CEP128: variants seen among roughly 807,000 people sequenced by gnomAD.
The protein encoded by CEP128 is centrosomal protein 128, also known as centrosomal protein 128kDa.
Under a neutral mutation model 156.7 loss-of-function variants are expected in CEP128, and 132 were observed. The observed-to-expected ratio is 0.84, with a 90% CI of 0.73 to 0.97. The LOEUF is 0.97. CEP128 is among the 50% of genes least tolerant of loss of function. The pLI, the probability that CEP128 is intolerant of heterozygous loss-of-function variation, is 0.00. For missense variants in CEP128, 1,252 were observed against 1,281.9 expected, an observed-to-expected ratio of 0.98 and a Z score of 0.36; for synonymous variants, 469 against 448.9, an observed-to-expected ratio of 1.04 and a Z score of -0.57.
chr14:80,919,313 T>G (rs919658052), intron 2 of CEP128, among the ~76,000 whole-genome samples: 1 of 152,144 alleles, frequency 6.6e-6, no homozygotes, highest in Admixed American at 6.5e-5. Context: ...TAACTGAAAT[T>G]TGGGGATGAT....
intron 9 of CEP128, among the ~76,000 whole-genome samples, chr14:80,848,993 C>T (rs1277111160): frequency 6.6e-6 from 1 of 151,668 alleles, no homozygotes; most frequent in Non-Finnish European, 1.5e-5. Flanking sequence ...TAAAAGACCA[C>T]AAGGAGGTAA....
At chr14:80,921,546 A>G (rs188387667) in intron 2 of CEP128, among the ~76,000 whole-genome samples, 5 of 152,334 alleles carry the variant, frequency 3.3e-5, no homozygotes, top group African/African-American at 1.2e-4. Context: ...AACAACAGAA[A>G]ATGAGCTAAG....
At chr14:80,491,515 GTAAC>G (rs1354036351), downstream of CEP128, among the ~76,000 whole-genome samples, 1 of 152,166 alleles carries the variant, frequency 6.6e-6, no homozygotes, top group Non-Finnish European at 1.5e-5. Context: ...TTCACTTCTG[GTAAC>G]TAACAGCTTG....
intron 21 of CEP128, among the ~76,000 whole-genome samples, chr14:80,547,058 T>A (rs1890016009): frequency 6.6e-6 from 1 of 152,186 alleles, no homozygotes; most frequent in South Asian, 2.1e-4. Flanking sequence ...GTAAGTGGTA[T>A]TACAGCTGTT....
intron 19 of CEP128, among the ~76,000 whole-genome samples, chr14:80,693,300 T>C (rs538810558): frequency 6.6e-6 from 1 of 152,326 alleles, no homozygotes; most frequent in South Asian, 2.1e-4. Context: ...TTTATGGCCA[T>C]AATTTCATGT....
intron 8 of CEP128, among the ~76,000 whole-genome samples, chr14:80,871,495 A>C (rs1187363731): frequency 6.6e-6 from 1 of 152,146 alleles, no homozygotes; most frequent in Non-Finnish European, 1.5e-5. Flanking sequence ...GCTGGATGGA[A>C]TATGATGCCA....
At chr14:80,890,274 G>C (rs942947804) in intron 8 of CEP128, among the ~76,000 whole-genome samples, 1 of 152,142 alleles carries the variant, frequency 6.6e-6, no homozygotes, top group African/African-American at 2.4e-5. Flanking sequence ...CCCCATTACT[G>C]GGTGTATACC....
At chr14:80,773,037 A>C (rs1900599189) in intron 16 of CEP128, among the ~76,000 whole-genome samples, 1 of 152,202 alleles carries the variant, frequency 6.6e-6, no homozygotes. Flanking sequence ...TTATGGGTGG[A>C]TTAAAGGAGA....
chr14:80,798,575 T>C (rs1467661227), intron 13 of CEP128, among the ~76,000 whole-genome samples: 1 of 152,218 alleles, frequency 6.6e-6, no homozygotes, highest in African/African-American at 2.4e-5. Context: ...AGTAACCAGG[T>C]GGTCAAAATA....
intron 19 of CEP128, among the ~76,000 whole-genome samples, chr14:80,662,729 T>C (rs1895452165): frequency 6.6e-6 from 1 of 152,170 alleles, no homozygotes; most frequent in Non-Finnish European, 1.5e-5. Context: ...GGAGGAAAAA[T>C]AACACATTAG....
intron 13 of CEP128, among the ~76,000 whole-genome samples, chr14:80,818,473 G>A (rs745957974): frequency 6.6e-5 from 10 of 152,224 alleles, no homozygotes; most frequent in East Asian, 5.8e-4. Flanking sequence ...CAATTGCTAC[G>A]CAATCATATT....
chr14:80,576,676 T>C (rs1165998716), intron 20 of CEP128, among the ~76,000 whole-genome samples: 1 of 151,608 alleles, frequency 6.6e-6, no homozygotes, highest in Non-Finnish European at 1.5e-5. Flanking sequence ...TCTGTGTCTA[T>C]ACAGGAATGG....
chr14:80,718,474 C>T (rs146376539), intron 19 of CEP128, among the ~76,000 whole-genome samples: 18 of 152,236 alleles, frequency 1.2e-4, no homozygotes, highest in African/African-American at 4.3e-4. Context: ...AGTTTACAAC[C>T]ATTTTGTATT....
chr14:80,549,295 C>A (rs1439980200), intron 21 of CEP128, among the ~76,000 whole-genome samples: 1 of 152,142 alleles, frequency 6.6e-6, no homozygotes, highest in Non-Finnish European at 1.5e-5. Context: ...AAACCTTTTT[C>A]CGGTTTCAGT....
chr14:80,945,350 T>C (rs910323118), upstream of CEP128, among the ~76,000 whole-genome samples: 4 of 152,150 alleles, frequency 2.6e-5, no homozygotes, highest in African/African-American at 9.7e-5. Flanking sequence ...AACAGTAACA[T>C]GGGGGGTTAA....
intron 2 of CEP128, among the ~76,000 whole-genome samples, chr14:80,925,598 T>G (rs574627064): frequency 1.5e-4 from 22 of 149,136 alleles, no homozygotes; most frequent in South Asian, 4.2e-4. Context: ...GTTTTTTTGG[T>G]TTTTTTTTTC....
intron 19 of CEP128, among the ~76,000 whole-genome samples, chr14:80,737,052 G>A (rs75948290): frequency 0.012 from 1,902 of 152,276 alleles, 46 homozygotes; most frequent in African/African-American, 0.043. Context: ...AAAAAATTAT[G>A]ATTTGACTCT....
intron 19 of CEP128, among the ~76,000 whole-genome samples, chr14:80,652,223 C>A (rs1223258284): frequency 6.6e-6 from 1 of 151,950 alleles, no homozygotes; most frequent in Non-Finnish European, 1.5e-5. Flanking sequence ...AATGTAAGAC[C>A]TAAAACCATA....
intron 21 of CEP128, among the ~76,000 whole-genome samples, chr14:80,532,453 C>T (rs1214461805): frequency 6.6e-6 from 1 of 152,124 alleles, no homozygotes; most frequent in Admixed American, 6.5e-5. Flanking sequence ...CTGTTCTCTG[C>T]CTGGCATATC....
Sources: allele counts gnomAD v4.1 joint callset (sites outside exome capture counted in the v4.1 genomes callset), GRCh38; gene constraint gnomAD v4.1.1; transcripts MANE v1.5; gene names NCBI Gene and HGNC (gene_info 2026-07-23, HGNC 2026-07-21).